The following VAV2 variants were observed in gnomAD, a reference collection of about 807,000 sequenced individuals.
The protein encoded by VAV2 is guanine nucleotide exchange factor VAV2.
Under a neutral mutation model 132.5 loss-of-function variants are expected in VAV2, and 67 were observed. The observed-to-expected ratio is 0.51, with a 90% confidence interval of 0.42 to 0.62. VAV2 has a LOEUF of 0.62. Among genes scored for constraint, VAV2 ranks in the 20% least tolerant of loss-of-function variants. The pLI is 0.00. For synonymous variants in VAV2, 492 were observed against 443.5 expected, an observed-to-expected ratio of 1.11 and a Z score of -1.37; for missense variants, 938 against 1,153.6, an observed-to-expected ratio of 0.81 and a Z score of 2.71.
intron 1 of VAV2, among the ~76,000 whole-genome samples, chr9:133,940,289 C>T (rs1841090575): frequency 6.6e-6 from 1 of 152,160 alleles, no homozygotes; most frequent in Non-Finnish European, 1.5e-5. Flanking sequence ...GAGGGTGTGG[C>T]ACACACAGCC....
chr9:133,956,156 GAGA>G (rs372676736), intron 1 of VAV2, among the ~76,000 whole-genome samples: 5 of 152,214 alleles, frequency 3.3e-5, no homozygotes, highest in East Asian at 2.0e-4. Context: ...CTGGATTCCT[GAGA>G]AGGAGGGAGC....
At chr9:133,860,945 C>T (rs990541513) in intron 3 of VAV2, among the ~76,000 whole-genome samples, 4 of 152,152 alleles carry the variant, frequency 2.6e-5, no homozygotes, top group Non-Finnish European at 5.9e-5. Flanking sequence ...CTTGGCTTGT[C>T]CAGTGCCCTG....
intron 1 of VAV2, among the ~76,000 whole-genome samples, chr9:133,964,032 T>TATAC: frequency 1.1e-5 from 1 of 94,780 alleles, no homozygotes; most frequent in South Asian, 4.4e-4. Context: ...CATATATATA[T>TATAC]ATATATATAT....
chr9:133,946,448 G>A (rs1238894614), intron 1 of VAV2, among the ~76,000 whole-genome samples: 1 of 152,238 alleles, frequency 6.6e-6, no homozygotes, highest in Admixed American at 6.5e-5. Flanking sequence ...TCAAGCCTCT[G>A]GGTCTTTCTG....
chr9:133,860,131 TC>T lies in VAV2; in HGVS notation c.380+1242del, dbSNP rs547501989. ...TCCTGGCTAACATGGTGAAACCCTT[TC>T]TCTACTGAAAATACAAAAAATTAGC... On this transcript the variant is annotated intron_variant, in intron 3 of 29. Coordinates refer to ENST00000371850, the MANE Select transcript of VAV2 (RefSeq NM_001134398.2). 3.3e-3 allele frequency among the ~76,000 whole-genome samples: 498 copies of T among 151,994 alleles called. 1 individual carries two copies. Among genetic ancestry groups the T allele is most frequent in the African/African-American group, 0.012 (480 of 41,430 alleles).
Position 133,991,873 on chromosome 9 carries a change from G to A in VAV2, c.204+202C>T, listed in dbSNP as rs1044487091. Among the ~76,000 whole-genome samples, 5 of 150,966 alleles carry A rather than the reference G, an allele frequency of 3.3e-5. No homozygotes were observed. Among genetic ancestry groups the A allele is most frequent in the Non-Finnish European group, 7.4e-5 (5 of 67,624 alleles). On this transcript the variant is annotated intron_variant, in intron 1 of 29. Transcript: ENST00000371850. This position sits in a 1 kb window ranked among gnomAD's most constrained non-coding sequence, Gnocchi z 4.8. ...GGCGGCGGCGCGACCCAGGCTGAGG[G>A]GACTTTGGCCAACTTCGCGCCTCCT... is the stretch of plus-strand genomic sequence containing the variant.
At chr9:133,960,376 C>T (rs1564503717) in intron 1 of VAV2, among the ~76,000 whole-genome samples, 1 of 152,028 alleles carries the variant, frequency 6.6e-6, no homozygotes, top group Non-Finnish European at 1.5e-5. Context: ...GGCAAGGTCT[C>T]CACACTGGAC....
At chr9:133,806,204 G>C in intron 8 of VAV2, 23 bp from the exon 9 acceptor site, 3 of 1,604,238 alleles carry the variant, frequency 1.9e-6, no homozygotes, top group Non-Finnish European at 2.6e-6. Flanking sequence ...CCAGCCGTGA[G>C]TGCCTGGCCA....
chr9:133,890,250 G>A (rs1029573728), intron 2 of VAV2, among the ~76,000 whole-genome samples: 1 of 146,226 alleles, frequency 6.8e-6, no homozygotes, highest in Admixed American at 6.8e-5. Context: ...GGTTTCTTCC[G>A]AGGAGCCAGA....
At position 133,861,385 on chromosome 9, in the gene VAV2, G is replaced by C; in HGVS notation, c.369C>G (p.Asn123Lys). The C allele has an allele frequency of 6.2e-7, 1 of 1,613,278 alleles. No homozygotes were observed. The highest frequency in any genetic ancestry group is 8.5e-7 in the Non-Finnish European group (1 of 1,179,636). ...SRLSLHSIAQ[N>K]KGIRPFPSEE... ...TCCGGAGAGCTCACCTGATCCCTTT[G>C]TTCTGCGCGATGCTGTGCAGGGAGA... Residue 123 changes from asparagine (N) to lysine (K), a missense_variant, in exon 3 of 30, where the codon AAC becomes AAG. Transcript: ENST00000371850.
intron 29 of VAV2, among the ~76,000 whole-genome samples, chr9:133,766,769 T>TATATATAC (rs139419350): frequency 6.9e-6 from 1 of 143,922 alleles, no homozygotes; most frequent in African/African-American, 2.5e-5. Context: ...AATATATATA[T>TATATATAC]ATATATATAT....
chr9:133,862,400 G>C (rs1200980363), intron 2 of VAV2, among the ~76,000 whole-genome samples: 1 of 152,242 alleles, frequency 6.6e-6, no homozygotes, highest in Non-Finnish European at 1.5e-5. Context: ...GGGGTGAATG[G>C]AGCTCCTGAG....
intron 2 of VAV2, among the ~76,000 whole-genome samples, chr9:133,891,528 G>A: frequency 2.9e-5 from 1 of 34,832 alleles, no homozygotes. Flanking sequence ...AGGCATGGAG[G>A]GGGAAGGATG....
At chr9:133,771,195 G>C (rs58956250) in intron 26 of VAV2, among the ~76,000 whole-genome samples, 17,222 of 151,784 alleles carry the variant, frequency 0.11, 2,236 homozygotes, top group African/African-American at 0.32. Context: ...TCCCAAGTAG[G>C]GGGGACTACA....
intron 4 of VAV2, among the ~76,000 whole-genome samples, chr9:133,831,492 A>C (rs888046453): frequency 4.6e-5 from 7 of 151,954 alleles, no homozygotes; most frequent in African/African-American, 1.7e-4. Context: ...ATCTAGCCTG[A>C]CTCTCCAGGC....
chr9:133,863,802 C>T lies in VAV2; in HGVS notation c.322-2370G>A, dbSNP rs1426472569. On this transcript the variant is annotated intron_variant, in intron 2 of 29. Coordinates refer to ENST00000371850, the MANE Select transcript of VAV2 (RefSeq NM_001134398.2). This position sits in a 1 kb window ranked among gnomAD's most constrained non-coding sequence, Gnocchi z 5.0. ...CACGGGGAACCACACTCCAGTGACC[C>T]AAAACCCAGGGCAGGGGCTGCTGGA... Among the ~76,000 whole-genome samples the T allele has an allele frequency of 1.3e-5, 2 of 152,160 alleles. No individual in the cohort carries two copies. The highest frequency in any genetic ancestry group is 2.1e-4 in the South Asian group (1 of 4,826).
At chr9:133,764,993 C>T (rs1164435701) in intron 29 of VAV2, among the ~76,000 whole-genome samples, 1 of 152,148 alleles carries the variant, frequency 6.6e-6, no homozygotes, top group Non-Finnish European at 1.5e-5. Context: ...TTCAAATGAA[C>T]TTCAAAATGA....
In VAV2 at chr9:133,763,389, AGAGGGGCCTGCCGTGTG is replaced by A; in HGVS notation, c.*656_*672del. ...CATCATTCCAAAGGCCCCTCCCAAG[AGAGGGGCCTGCCGTGTG>A]GGGTCCGGGTGTGCCCCTGGCAAGG... is the stretch of plus-strand genomic sequence containing the variant. On this transcript the variant is annotated 3_prime_UTR_variant, in exon 30 of 30. Transcript: ENST00000371850. This position sits in a 1 kb window ranked among gnomAD's most constrained non-coding sequence, Gnocchi z 6.8. 6.6e-6 allele frequency: 1 copy of A among 152,222 alleles called. No homozygotes were observed. The highest frequency in any genetic ancestry group is 6.5e-5 in the Admixed American group (1 of 15,300). 9.4% of individuals were successfully genotyped at this position (152,222 alleles called of 1,614,324 possible).
intron 23 of VAV2, among the ~76,000 whole-genome samples, chr9:133,777,058 G>A (rs1395223278): frequency 6.6e-6 from 1 of 152,184 alleles, no homozygotes; most frequent in Non-Finnish European, 1.5e-5. Context: ...TAGTCCAAGA[G>A]ATCTTATAGA....
Sources: gnomAD v4.1 joint callset for allele counts (sites outside exome capture counted in the v4.1 genomes callset) on GRCh38, gnomAD v4.1.1 for gene constraint, Gnocchi (gnomAD v3.1) non-coding constraint, MANE v1.5 for transcripts, NCBI Gene and HGNC (gene_info 2026-07-23, HGNC 2026-07-21) for gene names.